Variants in FGGY observed in about 807,000 individuals in gnomAD.
FGGY encodes FGGY carbohydrate kinase domain-containing protein.
FGGY carries 72 observed loss-of-function variants against 71.3 expected under a neutral mutation model. The observed-to-expected ratio is 1.01, with a 90% confidence interval of 0.84 to 1.23. The LOEUF (loss-of-function observed/expected upper bound fraction) is 1.23, where lower values mean the gene tolerates loss of function less well. FGGY is among the 50% of genes most tolerant of loss of function. The pLI is 0.00. For missense variants in FGGY, 668 were observed against 682.3 expected, an observed-to-expected ratio of 0.98 and a Z score of 0.23; for synonymous variants, 251 against 250.3, an observed-to-expected ratio of 1.00 and a Z score of -0.02.
intron 1 of FGGY, among the ~76,000 whole-genome samples, chr1:59,312,099 G>A (rs2044448800): frequency 6.6e-6 from 1 of 152,140 alleles, no homozygotes. Context: ...TGATGGGGTT[G>A]TTTCTTTTTG....
chr1:59,526,732 C>A (rs182371981), intron 7 of FGGY, among the ~76,000 whole-genome samples: 1 of 152,290 alleles, frequency 6.6e-6, no homozygotes, highest in East Asian at 1.9e-4. Context: ...GGCCACCTCG[C>A]CATTCAAATG....
At chr1:59,576,665 G>GACAC (rs1204594891) in intron 8 of FGGY, among the ~76,000 whole-genome samples, 17 of 134,532 alleles carry the variant, frequency 1.3e-4, no homozygotes, top group African/African-American at 4.9e-4. Flanking sequence ...CAGACAGACA[G>GACAC]ACAGACAGAC....
At chr1:59,521,811 TTTGTTA>T (rs2094842056) in intron 7 of FGGY, among the ~76,000 whole-genome samples, 1 of 152,208 alleles carries the variant, frequency 6.6e-6, no homozygotes, top group South Asian at 2.1e-4. Context: ...TGACTCCTGA[TTTGTTA>T]TTCCATTTTA....
intron 14 of FGGY, among the ~76,000 whole-genome samples, chr1:59,754,380 C>CT (rs138681831): frequency 8.6e-4 from 128 of 148,248 alleles, no homozygotes; most frequent in Middle Eastern, 3.5e-3. Flanking sequence ...GAATCCTTTC[C>CT]TTTTTTTTTT....
intron 6 of FGGY, among the ~76,000 whole-genome samples, chr1:59,493,343 G>A (rs973470605): frequency 3.3e-5 from 5 of 152,210 alleles, no homozygotes; most frequent in South Asian, 4.1e-4. Flanking sequence ...GTTCACCCAC[G>A]TTAATAAAAG....
Position 59,334,901 on chromosome 1 carries a change from TAAAA to T in FGGY, c.202-5055_202-5052del. ...CGATAAATCTATTATTCTACAACTT[TAAAA>T]ATTATACAAACAAGTGTAAAATCTA... On this transcript the variant is annotated intron_variant, in intron 2 of 15. Coordinates refer to ENST00000303721, the MANE Select transcript of FGGY (RefSeq NM_018291.5). 2.0e-5 allele frequency among the ~76,000 whole-genome samples: 3 copies of T among 152,184 alleles called. No individual in the cohort carries two copies. The South Asian group carries it at 6.2e-4, about 31-fold the overall frequency.
At chr1:59,499,375 A>G (rs1348346368) in intron 6 of FGGY, among the ~76,000 whole-genome samples, 2 of 142,784 alleles carry the variant, frequency 1.4e-5, no homozygotes, top group Admixed American at 1.5e-4. Context: ...TACAGCATGG[A>G]TTTGCTGGAC....
intron 5 of FGGY, 121 bp downstream of exon 5, chr1:59,378,958 C>A: frequency 1.3e-6 from 1 of 758,630 alleles, no homozygotes; most frequent in Non-Finnish European, 2.2e-6. Flanking sequence ...TGTGATTTTG[C>A]ATACATGAAA....
intron 14 of FGGY, among the ~76,000 whole-genome samples, chr1:59,754,237 T>C (rs11578221): frequency 0.043 from 6,595 of 152,320 alleles, 255 homozygotes; most frequent in East Asian, 0.13. Flanking sequence ...CTAGCTCTGA[T>C]TCTCATAAGG....
chr1:59,520,374 G>A (rs1397497576), intron 7 of FGGY, among the ~76,000 whole-genome samples: 2 of 152,158 alleles, frequency 1.3e-5, no homozygotes, highest in African/African-American at 4.8e-5. Context: ...AGCCACACGG[G>A]ACAACTTGGC....
chr1:59,530,278 A>G (rs951512900), intron 7 of FGGY, among the ~76,000 whole-genome samples: 5 of 152,228 alleles, frequency 3.3e-5, no homozygotes, highest in Admixed American at 1.3e-4. Context: ...CTAACTTAGA[A>G]TTATAGATAA....
At chr1:59,367,717 C>T (rs1224102259) in intron 4 of FGGY, among the ~76,000 whole-genome samples, 1 of 152,174 alleles carries the variant, frequency 6.6e-6, no homozygotes, top group Non-Finnish European at 1.5e-5. Flanking sequence ...AACCTCACAG[C>T]TTCCCTGGAG....
At position 59,365,242 on chromosome 1, in the gene FGGY, G is replaced by A. The variant is rs74442913; in HGVS notation, c.466-13507G>A. ...TTGGATGAGGTAAGATCCCTGGGGA[G>A]CAGCTAAAGAAAAGAGCAGCTAAAG... On this transcript the variant is annotated intron_variant, in intron 4 of 15. Transcript: ENST00000303721. Among the ~76,000 whole-genome samples the A allele has an allele frequency of 2.9e-3, 448 of 152,282 alleles. 4 individuals are homozygous for A. Among genetic ancestry groups the A allele is most frequent in the African/African-American group, 9.8e-3 (406 of 41,558 alleles).
At chr1:59,298,505 G>A (rs2042297760) in intron 1 of FGGY, among the ~76,000 whole-genome samples, 1 of 152,248 alleles carries the variant, frequency 6.6e-6, no homozygotes, top group South Asian at 2.1e-4. Flanking sequence ...TTTACTGGGA[G>A]GAGGCTGGGC....
chr1:59,557,592 G>A (rs58143571), intron 8 of FGGY, among the ~76,000 whole-genome samples: 1 of 152,152 alleles, frequency 6.6e-6, no homozygotes, highest in African/African-American at 2.4e-5. Flanking sequence ...TCTTCCTTGT[G>A]GGTGATTTAA....
chr1:59,477,137 CA>C (rs1422763796), intron 6 of FGGY, among the ~76,000 whole-genome samples: 4 of 152,160 alleles, frequency 2.6e-5, no homozygotes, highest in Non-Finnish European at 5.9e-5. Flanking sequence ...TCTTGAAAGG[CA>C]GCCATTCCCA....
At chr1:59,568,418 G>C (rs1018045265) in intron 8 of FGGY, among the ~76,000 whole-genome samples, 2 of 124,776 alleles carry the variant, frequency 1.6e-5, no homozygotes, top group East Asian at 2.6e-4. Flanking sequence ...CATATACTGA[G>C]GATTTACTAT....
intron 7 of FGGY, among the ~76,000 whole-genome samples, chr1:59,551,561 G>C (rs1571155031): frequency 6.6e-6 from 1 of 152,068 alleles, no homozygotes; most frequent in East Asian, 1.9e-4. Flanking sequence ...CCAAGATTTT[G>C]AGATGTACAG....
intron 8 of FGGY, among the ~76,000 whole-genome samples, chr1:59,566,801 T>C (rs1313078219): frequency 7.2e-6 from 1 of 138,388 alleles, no homozygotes; most frequent in Non-Finnish European, 1.5e-5. Flanking sequence ...ATAATTTACA[T>C]ACCATGAAAT....
Sources: gnomAD v4.1 joint callset for allele counts (sites outside exome capture counted in the v4.1 genomes callset) on GRCh38, gnomAD v4.1.1 for gene constraint, MANE v1.5 for transcripts, NCBI Gene and HGNC (gene_info 2026-07-23, HGNC 2026-07-21) for gene names.